The following ANKRD30BL variants were observed in gnomAD, a reference collection of about 807,000 sequenced individuals.
ANKRD30BL encodes the protein ankyrin repeat domain 30B like.
ANKRD30BL carries 20 observed loss-of-function variants against 18.4 expected under a neutral mutation model. That is an observed-to-expected ratio of 1.09 (90% CI 0.77 to 1.58). The LOEUF is 1.58. ANKRD30BL is among the 40% of genes most tolerant of loss of function. The probability of loss-of-function intolerance (pLI) is 0.00; values close to 1 mark genes in which losing one functional copy is unlikely to be tolerated. For missense variants in ANKRD30BL, 224 were observed against 268.6 expected, an observed-to-expected ratio of 0.83 and a Z score of 1.16; for synonymous variants, 72 against 100.9, an observed-to-expected ratio of 0.71 and a Z score of 1.72.
At chr2:132,254,538 T>C (rs13382851) in intron 1 of ANKRD30BL, among the ~76,000 whole-genome samples, 26,466 of 152,192 alleles carry the variant, frequency 0.17, 5,017 homozygotes, top group African/African-American at 0.48. Flanking sequence ...AGGGACTTCA[T>C]GCAAGCTTAT....
At chr2:132,149,549 A>C (rs1272406010) in intron 5 of ANKRD30BL, among the ~76,000 whole-genome samples, 1 of 152,172 alleles carries the variant, frequency 6.6e-6, no homozygotes, top group Admixed American at 6.5e-5. Context: ...ACTGGTACTG[A>C]TGCACCCTCA....
At chr2:132,195,510 G>A (rs1410631520) in intron 1 of ANKRD30BL, among the ~76,000 whole-genome samples, 2 of 151,760 alleles carry the variant, frequency 1.3e-5, no homozygotes, top group Non-Finnish European at 2.9e-5. Context: ...AACATCCAGG[G>A]CCAGGCATGG....
chr2:132,168,122 T>C (rs1186388579), intron 1 of ANKRD30BL, among the ~76,000 whole-genome samples: 2 of 152,236 alleles, frequency 1.3e-5, no homozygotes, highest in Non-Finnish European at 1.5e-5. Flanking sequence ...ATCACTTAAA[T>C]TTTGTTTTTC....
chr2:132,168,081 A>G (rs1209157573), intron 1 of ANKRD30BL, among the ~76,000 whole-genome samples: 3 of 152,138 alleles, frequency 2.0e-5, no homozygotes, highest in Non-Finnish European at 4.4e-5. Flanking sequence ...TTCCTTTAGT[A>G]TTTCTTGCAA....
At position 132,161,921 on chromosome 2, in the gene ANKRD30BL, C is replaced by T. The variant is rs182361300; in HGVS notation, c.-216G>A. 1.8e-6 allele frequency: 1 copy of T among 557,808 alleles called. No homozygotes were observed. The highest frequency in any genetic ancestry group is 3.2e-6 in the Non-Finnish European group (1 of 309,584). 34.6% of individuals were successfully genotyped at this position (557,808 alleles called of 1,614,324 possible). A position where few individuals can be genotyped will look rare whatever the true frequency, so the allele number is the denominator to read the frequency against. ...TGAGCAGAACCGTTAGGCACCTGAG[C>T]AGAACCTTTAGGCAGCTGAGCAGAA... On this transcript the variant is annotated 5_prime_UTR_variant, in exon 1 of 6. Transcript: ENST00000409867.
At chr2:132,205,780 A>G (rs940399128) in intron 1 of ANKRD30BL, among the ~76,000 whole-genome samples, 10 of 152,078 alleles carry the variant, frequency 6.6e-5, no homozygotes, top group African/African-American at 2.2e-4. Context: ...GCTCCCATAA[A>G]TATTCTCACT....
intron 1 of ANKRD30BL, among the ~76,000 whole-genome samples, chr2:132,211,456 C>T (rs1679346631): frequency 6.6e-6 from 1 of 152,090 alleles, no homozygotes; most frequent in African/African-American, 2.4e-5. Flanking sequence ...GCATTCATCT[C>T]ACAGAGTTGA....
Position 132,187,184 on chromosome 2 carries a change from G to GT in ANKRD30BL, n.442-30039dup, listed in dbSNP as rs1392451243. Among the ~76,000 whole-genome samples, 459 of 105,272 alleles carry GT rather than the reference G, an allele frequency of 4.4e-3. 2 individuals are homozygous for GT. Among genetic ancestry groups the GT allele is most frequent in the Non-Finnish European group, 6.4e-3 (342 of 53,792 alleles). The allele number at this position is 105,272 out of a possible 152,430, so 69.1% of individuals were successfully genotyped here. A position where few individuals can be genotyped will look rare whatever the true frequency, so the allele number is the denominator to read the frequency against. On this transcript the variant is annotated intron_variant and non_coding_transcript_variant, in intron 1 of 4. Coordinates refer to the ANKRD30BL transcript ENST00000470729. ...TAGGAAGTTTTTTGTTTTTTTTTTT[G>GT]TTTGTTTTTTTTTTTTTTTTTTTTT...
intron 1 of ANKRD30BL, among the ~76,000 whole-genome samples, chr2:132,219,981 T>G (rs1214576492): frequency 6.6e-6 from 1 of 152,080 alleles, no homozygotes; most frequent in Non-Finnish European, 1.5e-5. Context: ...AGGCCTATGG[T>G]GGAAAAGGAA....
intron 1 of ANKRD30BL, among the ~76,000 whole-genome samples, chr2:132,256,448 C>T (rs77487313): frequency 6.6e-6 from 1 of 152,326 alleles, no homozygotes; most frequent in South Asian, 2.1e-4. Flanking sequence ...GCGGCAGCCG[C>T]GAGGGACCGG....
exon 1 of ANKRD30BL, chr2:132,257,659 A>T (rs1370926927): frequency 6.3e-6 from 1 of 158,704 alleles, no homozygotes. Context: ...TCGCTAGAGA[A>T]GGCTTTCTCA....
chr2:132,227,607 C>T (rs1286882368), intron 1 of ANKRD30BL, among the ~76,000 whole-genome samples: 1 of 152,100 alleles, frequency 6.6e-6, no homozygotes, highest in Non-Finnish European at 1.5e-5. Flanking sequence ...GTACATTCAA[C>T]TCACAGAGTT....
At chr2:132,220,785 C>T (rs1166266383) in intron 1 of ANKRD30BL, among the ~76,000 whole-genome samples, 2 of 151,052 alleles carry the variant, frequency 1.3e-5, no homozygotes, top group South Asian at 4.2e-4. Context: ...CCGGCCGCCA[C>T]CCCGTCTGGG....
At chr2:132,150,112 G>A (rs377559580) in intron 5 of ANKRD30BL, among the ~76,000 whole-genome samples, 3 of 151,878 alleles carry the variant, frequency 2.0e-5, no homozygotes, top group South Asian at 2.1e-4. Flanking sequence ...CTCAATACTC[G>A]ACTGTAATTA....
rs144454133 is a variant in ANKRD30BL, at chr2:132,153,017, C to G, written c.614+1645G>C. Reference sequence around the variant, plus strand: ...AACTTCGAAGTCTACACCATGAAGACTGAAGAACCTGTGTTAGTAAGGGCT... The same window carrying G: ...AACTTCGAAGTCTACACCATGAAGAGTGAAGAACCTGTGTTAGTAAGGGCT... On this transcript the variant is annotated intron_variant, in intron 4 of 5. Transcript: ENST00000409867. Among the ~76,000 whole-genome samples, 399 of 152,320 alleles carry G rather than the reference C, an allele frequency of 2.6e-3. 5 individuals are homozygous for G. Among genetic ancestry groups the G allele is most frequent in the African/African-American group, 9.2e-3 (383 of 41,564 alleles).
At chr2:132,192,379 C>T (rs1043518555) in intron 1 of ANKRD30BL, among the ~76,000 whole-genome samples, 66 of 151,396 alleles carry the variant, frequency 4.4e-4, no homozygotes, top group Admixed American at 1.9e-3. Flanking sequence ...TGGCAATTCT[C>T]AGTGAAAGAA....
chr2:132,165,748 C>T (rs903157190), upstream of ANKRD30BL, among the ~76,000 whole-genome samples: 1 of 148,578 alleles, frequency 6.7e-6, no homozygotes, highest in Non-Finnish European at 1.5e-5. Flanking sequence ...ACCACAATTG[C>T]TATATTATAT....
intron 1 of ANKRD30BL, among the ~76,000 whole-genome samples, chr2:132,222,200 C>T (rs571829384): frequency 1.3e-4 from 18 of 143,704 alleles, no homozygotes; most frequent in South Asian, 6.7e-4. Flanking sequence ...CCGCCCCGTC[C>T]GGGAGGGTGG....
intron 1 of ANKRD30BL, among the ~76,000 whole-genome samples, chr2:132,197,292 C>A (rs373302856): frequency 3.3e-5 from 5 of 152,144 alleles, no homozygotes; most frequent in African/African-American, 1.2e-4. Context: ...GTTTACAAAG[C>A]AGTTCTTTAA....
Sources: allele counts gnomAD v4.1 joint callset (sites outside exome capture counted in the v4.1 genomes callset), GRCh38; gene constraint gnomAD v4.1.1; transcripts MANE v1.5; gene names NCBI Gene and HGNC (gene_info 2026-07-23, HGNC 2026-07-21).